Variants in MTA3 observed in about 807,000 individuals in gnomAD.
The protein encoded by MTA3 is metastasis-associated protein MTA3.
MTA3 carries 34 observed loss-of-function variants against 83.5 expected under a neutral mutation model. That is an observed-to-expected ratio of 0.41 (90% CI 0.31 to 0.54). The LOEUF is 0.54. Ranked by LOEUF, MTA3 falls within the 20% of genes least tolerant of loss-of-function variation. The pLI, the probability that MTA3 is intolerant of heterozygous loss-of-function variation, is 0.33. For synonymous variants in MTA3, 303 were observed against 252.7 expected, an observed-to-expected ratio of 1.20 and a Z score of -1.89; for missense variants, 761 against 726.4, an observed-to-expected ratio of 1.05 and a Z score of -0.55.
chr2:42,559,705 C>G (rs974655198), intron 2 of MTA3, among the ~76,000 whole-genome samples: 3 of 150,504 alleles, frequency 2.0e-5, no homozygotes, highest in Non-Finnish European at 3.0e-5. Flanking sequence ...ATGGAGAAAC[C>G]CCATCTCTAC....
At chr2:42,625,818 T>C (rs112462324) in intron 4 of MTA3, among the ~76,000 whole-genome samples, 2,121 of 151,674 alleles carry the variant, frequency 0.014, 98 homozygotes, top group African/African-American at 0.048. Flanking sequence ...AAATCTATTA[T>C]CTGCATGCAC....
chr2:42,576,340 G>A (rs1679029108), intron 2 of MTA3, among the ~76,000 whole-genome samples: 1 of 152,220 alleles, frequency 6.6e-6, no homozygotes, highest in Admixed American at 6.5e-5. Context: ...AGGCCTAAAG[G>A]ATGAGGAAGA....
intron 8 of MTA3, among the ~76,000 whole-genome samples, chr2:42,681,058 A>G (rs1440563645): frequency 6.6e-6 from 1 of 152,200 alleles, no homozygotes; most frequent in African/African-American, 2.4e-5. Flanking sequence ...CTTTTTAAGT[A>G]AGCTAGACCT....
At chr2:42,549,314 T>C (rs1438321138) in intron 2 of MTA3, among the ~76,000 whole-genome samples, 6 of 127,024 alleles carry the variant, frequency 4.7e-5, no homozygotes, top group African/African-American at 1.8e-4. Flanking sequence ...GTATATAATA[T>C]ATAATATATT....
chr2:42,544,883 T>G (rs1676688628), intron 2 of MTA3, among the ~76,000 whole-genome samples: 1 of 152,152 alleles, frequency 6.6e-6, no homozygotes. Context: ...TTAACTATAT[T>G]TCTGTCTAGA....
intron 3 of MTA3, among the ~76,000 whole-genome samples, chr2:42,592,785 C>G (rs1211888350): frequency 2.0e-5 from 3 of 152,096 alleles, no homozygotes; most frequent in African/African-American, 4.8e-5. Flanking sequence ...TTTGGAATAC[C>G]TTCCGAAGGA....
At chr2:42,743,490 A>G (rs1251287092) in intron 16 of MTA3, among the ~76,000 whole-genome samples, 2 of 152,222 alleles carry the variant, frequency 1.3e-5, no homozygotes, top group Non-Finnish European at 2.9e-5. Flanking sequence ...CATCTGAGCC[A>G]GGGAAAGTGA....
At chr2:42,528,282 G>A (rs1003086748) in intron 2 of MTA3, among the ~76,000 whole-genome samples, 2 of 145,472 alleles carry the variant, frequency 1.4e-5, no homozygotes, top group East Asian at 2.1e-4. Context: ...GTGCGGTGGC[G>A]TGATCTCGGC....
intron 9 of MTA3, among the ~76,000 whole-genome samples, chr2:42,685,312 T>C (rs571506165): frequency 6.6e-6 from 1 of 152,350 alleles, no homozygotes; most frequent in Non-Finnish European, 1.5e-5. Flanking sequence ...TTACCCTAGC[T>C]TGTTTCAATA....
chr2:42,546,604 G>A (rs1022083808), intron 2 of MTA3, among the ~76,000 whole-genome samples: 6 of 152,196 alleles, frequency 3.9e-5, no homozygotes, highest in South Asian at 4.1e-4. Context: ...AGTCAAACTA[G>A]AGGCGTTTCT....
intron 6 of MTA3, among the ~76,000 whole-genome samples, chr2:42,648,179 AG>A (rs1413781876): frequency 6.6e-6 from 1 of 152,140 alleles, no homozygotes; most frequent in Non-Finnish European, 1.5e-5. Context: ...TTAGGGGGGA[AG>A]GAGTGGGGAT....
chr2:42,592,744 G>A (rs1681175886), intron 3 of MTA3, among the ~76,000 whole-genome samples: 1 of 152,084 alleles, frequency 6.6e-6, no homozygotes, highest in South Asian at 2.1e-4. Flanking sequence ...TAACACACAC[G>A]GAGCTATCAT....
intron 3 of MTA3, among the ~76,000 whole-genome samples, chr2:42,589,449 C>T (rs1328711583): frequency 6.6e-6 from 1 of 152,296 alleles, no homozygotes; most frequent in Non-Finnish European, 1.5e-5. Context: ...CCTGACAAAC[C>T]AGGCAGCTAA....
At chr2:42,715,417 T>G (rs1028288897) in intron 14 of MTA3, among the ~76,000 whole-genome samples, 3 of 148,524 alleles carry the variant, frequency 2.0e-5, no homozygotes, top group African/African-American at 7.5e-5. Context: ...TTTTTTTTTT[T>G]TTTTTTTTTT....
At chr2:42,538,867 C>T (rs908133612) in intron 2 of MTA3, among the ~76,000 whole-genome samples, 3 of 149,554 alleles carry the variant, frequency 2.0e-5, no homozygotes, top group African/African-American at 4.9e-5. Flanking sequence ...CTCCGCTTCC[C>T]GGGTTCACGC....
At chr2:42,717,127 GTTTTT>G (rs66521425) in intron 14 of MTA3, among the ~76,000 whole-genome samples, 243 of 64,938 alleles carry the variant, frequency 3.7e-3, no homozygotes, top group African/African-American at 0.012. Context: ...TCAGAAAAGA[GTTTTT>G]TTTTTTTTTT....
intron 2 of MTA3, among the ~76,000 whole-genome samples, chr2:42,572,353 G>T (rs144789918): frequency 1.3e-5 from 2 of 152,114 alleles, no homozygotes; most frequent in South Asian, 4.2e-4. Flanking sequence ...GGAAGCTGAG[G>T]CCTCAGGATC....
intron 7 of MTA3, among the ~76,000 whole-genome samples, chr2:42,658,947 AAAT>A (rs1182803018): frequency 1.3e-5 from 2 of 150,006 alleles, no homozygotes; most frequent in Non-Finnish European, 3.0e-5. Context: ...AAAAAAAAAA[AAAT>A]AGCTGGGCGT....
chr2:42,617,655 A>T (rs956653429), intron 4 of MTA3, among the ~76,000 whole-genome samples: 2 of 152,116 alleles, frequency 1.3e-5, no homozygotes, highest in Non-Finnish European at 1.5e-5. Flanking sequence ...GCATGCCTGT[A>T]ATCTCAGCTA....
Sources: gnomAD v4.1 joint callset for allele counts (sites outside exome capture counted in the v4.1 genomes callset) on GRCh38, gnomAD v4.1.1 for gene constraint, MANE v1.5 for transcripts, NCBI Gene and HGNC (gene_info 2026-07-23, HGNC 2026-07-21) for gene names.